HFM1: variants seen among roughly 807,000 people sequenced by gnomAD.
HFM1 encodes the protein helicase for meiosis 1.
Under a neutral mutation model 192.1 loss-of-function variants are expected in HFM1, and 169 were observed. The ratio of observed to expected loss-of-function variants is 0.88; its 90% CI spans 0.78 to 1.00. The LOEUF is 1.00. HFM1 is among the 50% of genes least tolerant of loss of function. The probability of loss-of-function intolerance (pLI) is 0.00; values close to 1 mark genes in which losing one functional copy is unlikely to be tolerated. For synonymous variants in HFM1, 525 were observed against 537.8 expected, an observed-to-expected ratio of 0.98 and a Z score of 0.33; for missense variants, 1,661 against 1,668.0, an observed-to-expected ratio of 1.00 and a Z score of 0.07.
chr1:91,347,548 G>A (rs1333551501), intron 18 of HFM1, 72 bp from the exon 19 acceptor site: 1 of 870,222 alleles, frequency 1.1e-6, no homozygotes, highest in Middle Eastern at 2.3e-4. Context: ...CAGTTAACTA[G>A]TGAAGAGCAG....
At chr1:91,379,658 C>A (rs529005394) in intron 8 of HFM1, among the ~76,000 whole-genome samples, 1 of 120,312 alleles carries the variant, frequency 8.3e-6, no homozygotes, top group African/African-American at 3.8e-5. Context: ...GAAATGATTT[C>A]TCAGGCAAGT....
At chr1:91,325,049 C>CT (rs1364814316) in intron 20 of HFM1, among the ~76,000 whole-genome samples, 2 of 152,160 alleles carry the variant, frequency 1.3e-5, no homozygotes, top group Non-Finnish European at 2.9e-5. Context: ...CTTGGGGTCT[C>CT]TGAGTCCAGG....
At chr1:91,380,288 A>G (rs1661403256) in intron 7 of HFM1, 52 bp from the exon 8 acceptor site, 3 of 1,115,700 alleles carry the variant, frequency 2.7e-6, no homozygotes, top group Non-Finnish European at 3.7e-6. Flanking sequence ...TTTCACACAC[A>G]TTCTCAATTT....
At chr1:91,367,606 G>A (rs757389925) in intron 13 of HFM1, among the ~76,000 whole-genome samples, 8 of 152,064 alleles carry the variant, frequency 5.3e-5, no homozygotes, top group South Asian at 2.1e-4. Context: ...CCACCTGTAC[G>A]TCACCATCAT....
At chr1:91,378,264 C>T (rs1661147137) in intron 10 of HFM1, 81 bp from the exon 11 acceptor site, 2 of 1,275,576 alleles carry the variant, frequency 1.6e-6, no homozygotes, top group African/African-American at 1.5e-5. Context: ...ATAATATTAA[C>T]ATTCTTGCTT....
At chr1:91,407,250 T>A (rs563526070), upstream of HFM1, among the ~76,000 whole-genome samples, 1 of 152,134 alleles carries the variant, frequency 6.6e-6, no homozygotes, top group South Asian at 2.1e-4. Context: ...GAGAAATACT[T>A]AATGTAAATG....
intron 30 of HFM1, among the ~76,000 whole-genome samples, chr1:91,296,932 CA>C (rs1557803175): frequency 6.6e-6 from 1 of 152,152 alleles, no homozygotes; most frequent in Non-Finnish European, 1.5e-5. Flanking sequence ...TGGGGAATGT[CA>C]GACAGTGGGT....
chr1:91,344,857 C>A (rs530065567), intron 19 of HFM1, among the ~76,000 whole-genome samples: 28 of 151,802 alleles, frequency 1.8e-4, no homozygotes, highest in Non-Finnish European at 3.8e-4. Flanking sequence ...AGCAATCTTC[C>A]CACCTCAGTC....
At chr1:91,367,026 A>G (rs994984915) in intron 13 of HFM1, among the ~76,000 whole-genome samples, 2 of 152,164 alleles carry the variant, frequency 1.3e-5, no homozygotes, top group Admixed American at 1.3e-4. Context: ...CAGCAGTCTG[A>G]GATCAAACTG....
At chr1:91,288,789 AC>A (rs1364425829) in intron 30 of HFM1, among the ~76,000 whole-genome samples, 6 of 152,324 alleles carry the variant, frequency 3.9e-5, no homozygotes, top group African/African-American at 1.4e-4. Context: ...CTACACAGAC[AC>A]AGTAACAATC....
intron 21 of HFM1, among the ~76,000 whole-genome samples, chr1:91,324,466 A>G (rs2101373248): frequency 6.6e-6 from 1 of 152,348 alleles, no homozygotes; most frequent in East Asian, 1.9e-4. Context: ...CTTAGCTCTG[A>G]TAAGAGTTAA....
At chr1:91,298,021 A>G (rs1647966020) in intron 30 of HFM1, among the ~76,000 whole-genome samples, 2 of 152,330 alleles carry the variant, frequency 1.3e-5, no homozygotes, top group East Asian at 3.9e-4. Context: ...ACCCATGGCA[A>G]AGAAGTTAAA....
chr1:91,353,586 T>C (rs939620860), intron 13 of HFM1, among the ~76,000 whole-genome samples: 1 of 140,244 alleles, frequency 7.1e-6, no homozygotes, highest in Non-Finnish European at 1.5e-5. Context: ...TCTACTCTCA[T>C]AATTTGCCTA....
intron 13 of HFM1, among the ~76,000 whole-genome samples, chr1:91,370,071 CA>C (rs1431324657): frequency 1.4e-4 from 22 of 152,156 alleles, no homozygotes; most frequent in Non-Finnish European, 3.2e-4. Context: ...AGACCAATAA[CA>C]GGCTCTAAAA....
At chr1:91,313,227 G>T in intron 30 of HFM1, 122 bp downstream of exon 30, 1 of 541,430 alleles carries the variant, frequency 1.8e-6, no homozygotes, top group Non-Finnish European at 3.2e-6. Context: ...AAATTACTAT[G>T]AAGCTTAAAT....
intron 36 of HFM1, among the ~76,000 whole-genome samples, chr1:91,264,704 T>C (rs1665580537): frequency 6.6e-6 from 1 of 152,188 alleles, no homozygotes; most frequent in South Asian, 2.1e-4. Context: ...AATCCTTAAG[T>C]AGAAAATCAG....
At chr1:91,289,597 C>T (rs948910437) in intron 30 of HFM1, among the ~76,000 whole-genome samples, 3 of 152,150 alleles carry the variant, frequency 2.0e-5, no homozygotes, top group East Asian at 1.9e-4. Context: ...AGCGAGACTC[C>T]GTCTGCAATC....
At chr1:91,385,320 C>G in intron 5 of HFM1, 86 bp from the exon 6 acceptor site, 1 of 884,934 alleles carries the variant, frequency 1.1e-6, no homozygotes, top group Non-Finnish European at 1.8e-6. Flanking sequence ...TATTTTTAAC[C>G]TTTCCATAAA....
chr1:91,289,271 G>A lies in HFM1; in HGVS notation c.3392-12209C>T, dbSNP rs1280701599. Among the ~76,000 whole-genome samples, 117 of 150,726 alleles carry A rather than the reference G, an allele frequency of 7.8e-4. 2 individuals are homozygous for A. Among genetic ancestry groups the A allele is most frequent in the Admixed American group, 6.5e-3 (99 of 15,174 alleles). On this transcript the variant is annotated intron_variant, in intron 30 of 38. Coordinates refer to ENST00000370425, the MANE Select transcript of HFM1 (RefSeq NM_001017975.6). ...CTCTTCACATCTCAGACGGGGCGGC[G>A]GGGCAGAGGCGCTCCCCACATCCCA...
Sources: gnomAD v4.1 joint callset for allele counts (sites outside exome capture counted in the v4.1 genomes callset) on GRCh38, gnomAD v4.1.1 for gene constraint, MANE v1.5 for transcripts, NCBI Gene and HGNC (gene_info 2026-07-23, HGNC 2026-07-21) for gene names.